Variants in MAPKAPK2 observed in about 807,000 individuals in gnomAD.
MAPKAPK2 encodes MAP kinase-activated protein kinase 2.
A neutral mutation model predicts 48.8 loss-of-function variants in MAPKAPK2; 9 were observed. The observed-to-expected ratio is 0.18, with a 90% CI of 0.11 to 0.32. The LOEUF is 0.32. Among genes scored for constraint, MAPKAPK2 ranks in the 10% least tolerant of loss-of-function variants. The pLI, the probability that MAPKAPK2 is intolerant of heterozygous loss-of-function variation, is 1.00. For missense variants in MAPKAPK2, 331 were observed against 498.3 expected (o/e 0.66, Z 3.20); for synonymous variants, 202 against 190.6 (o/e 1.06, Z -0.49).
At chr1:206,728,567 A>C in intron 1 of MAPKAPK2, 143 bp from the exon 2 acceptor site, 1 of 790,878 alleles carries the variant, frequency 1.3e-6, no homozygotes, top group Non-Finnish European at 1.9e-6. Context: ...GCCTCAGGAA[A>C]TGTGCCAAGG....
Position 206,731,803 on chromosome 1 carries a change from CA to C in MAPKAPK2, c.979-35del, listed in dbSNP as rs1383906263. The C allele has an allele frequency of 6.2e-7, 1 of 1,612,722 alleles. No homozygotes were observed. On this transcript the variant is annotated intron_variant, in intron 8 of 9. Coordinates refer to ENST00000367103, the MANE Select transcript of MAPKAPK2 (RefSeq NM_032960.4). The surrounding 1 kb of genome is among the most constrained non-coding windows in gnomAD (Gnocchi z 5.9). ...CAGAGTCTTAGCCAGGACCCTACCC[CA>C]GGCTTTCACTCGGACCCCTTTTCTC...
At chr1:206,719,710 G>T (rs1673454625) in intron 1 of MAPKAPK2, among the ~76,000 whole-genome samples, 1 of 152,174 alleles carries the variant, frequency 6.6e-6, no homozygotes, top group Non-Finnish European at 1.5e-5. Flanking sequence ...TGCTCTATCT[G>T]CCACCTCTTA....
At chr1:206,695,260 G>T (rs1558574127) in intron 1 of MAPKAPK2, among the ~76,000 whole-genome samples, 2 of 152,108 alleles carry the variant, frequency 1.3e-5, no homozygotes, top group African/African-American at 4.8e-5. Context: ...GAAACATGTG[G>T]CTAACTCTGA....
At chr1:206,713,139 A>G (rs550659517) in intron 1 of MAPKAPK2, among the ~76,000 whole-genome samples, 1 of 152,340 alleles carries the variant, frequency 6.6e-6, no homozygotes, top group South Asian at 2.1e-4. Flanking sequence ...CCAGCTTCCA[A>G]GAGGTACATG....
In MAPKAPK2 at chr1:206,704,278, A is replaced by G. The variant is rs1452031615; in HGVS notation, c.279+18770A>G. 6.6e-6 allele frequency among the ~76,000 whole-genome samples: 1 copy of G among 152,168 alleles called. No homozygotes were observed. Among genetic ancestry groups the G allele is most frequent in the Non-Finnish European group, 1.5e-5 (1 of 68,022 alleles). ...GTCTGAGTGTCTCTCACTCGTTGTT[A>G]CCTGTCCATTTGTTACCTGGCCCAC... On this transcript the variant is annotated intron_variant, in intron 1 of 9. Transcript: ENST00000367103. The surrounding 1 kb of genome is among the most constrained non-coding windows in gnomAD (Gnocchi z 4.3).
At chr1:206,690,309 G>C (rs1672418503) in intron 1 of MAPKAPK2, among the ~76,000 whole-genome samples, 1 of 152,210 alleles carries the variant, frequency 6.6e-6, no homozygotes, top group South Asian at 2.1e-4. Context: ...AGGGCCCTTG[G>C]CATCCACTGA....
At chr1:206,695,450 G>GT (rs797043593) in intron 1 of MAPKAPK2, among the ~76,000 whole-genome samples, 7,273 of 122,882 alleles carry the variant, frequency 0.059, 366 homozygotes, top group African/African-American at 0.14. Flanking sequence ...GCCCTGATCT[G>GT]TTTTTTTTTT....
Position 206,732,813 on chromosome 1 carries a change from CCT to C in MAPKAPK2, c.*99_*100del. ...GAGACAGAACTGTCCACATCTGCCT[CCT>C]CTCCTCCTCAGCTGCATGGAGCCTG... On this transcript the variant is annotated 3_prime_UTR_variant, in exon 10 of 10. Transcript: ENST00000367103. This position sits in a 1 kb window ranked among gnomAD's most constrained non-coding sequence, Gnocchi z 4.4. 7.2e-7 allele frequency: 1 copy of C among 1,384,302 alleles called. No homozygotes were observed. Among genetic ancestry groups the C allele is most frequent in the South Asian group, 1.3e-5 (1 of 75,328 alleles). 85.8% of individuals were successfully genotyped at this position (1,384,302 alleles called of 1,614,324 possible).
At chr1:206,716,154 A>G (rs1673323695) in intron 1 of MAPKAPK2, among the ~76,000 whole-genome samples, 1 of 151,636 alleles carries the variant, frequency 6.6e-6, no homozygotes, top group Non-Finnish European at 1.5e-5. Flanking sequence ...GCCAGAAGTA[A>G]GTTCAGGGTA....
chr1:206,704,741 A>G lies in MAPKAPK2; in HGVS notation c.279+19233A>G, dbSNP rs377595812. On this transcript the variant is annotated intron_variant, in intron 1 of 9. Coordinates refer to ENST00000367103, the MANE Select transcript of MAPKAPK2 (RefSeq NM_032960.4). The surrounding 1 kb of genome is among the most constrained non-coding windows in gnomAD (Gnocchi z 4.3). ...GAATAAGTGAAGATGAGTGCACCAC[A>G]AGTGTGTGTGTGCACTTCTTAATCT... is the stretch of plus-strand genomic sequence containing the variant. Among the ~76,000 whole-genome samples, 174 of 152,314 alleles carry G rather than the reference A, an allele frequency of 1.1e-3. 1 individual carries two copies. Among genetic ancestry groups the G allele is most frequent in the African/African-American group, 4.1e-3 (170 of 41,580 alleles).
intron 1 of MAPKAPK2, among the ~76,000 whole-genome samples, chr1:206,707,154 C>T (rs1672988456): frequency 6.6e-6 from 1 of 152,080 alleles, no homozygotes; most frequent in African/African-American, 2.4e-5. Flanking sequence ...ACGGGGTATC[C>T]TGTTGTCCTG....
At position 206,731,477 on chromosome 1, in the gene MAPKAPK2, C is replaced by G; in HGVS notation, c.893-163C>G. 1 of 1,094,000 alleles carries G rather than the reference C, an allele frequency of 9.1e-7. No homozygotes were observed. Among genetic ancestry groups the G allele is most frequent in the Non-Finnish European group, 1.3e-6 (1 of 744,820 alleles). The allele number at this position is 1,094,000 out of a possible 1,614,324, so 67.8% of individuals were successfully genotyped here. On this transcript the variant is annotated intron_variant, in intron 7 of 9. Coordinates refer to ENST00000367103, the MANE Select transcript of MAPKAPK2 (RefSeq NM_032960.4). The surrounding 1 kb of genome is among the most constrained non-coding windows in gnomAD (Gnocchi z 5.9). ...CCAAGGCTGTGGGGCTGTGCAGGGC[C>G]TCTCAAGTGGTACAGCCGTAATGGT...
chr1:206,686,073 G>T (rs1242106123), intron 1 of MAPKAPK2, among the ~76,000 whole-genome samples: 1 of 152,214 alleles, frequency 6.6e-6, no homozygotes, highest in Non-Finnish European at 1.5e-5. Context: ...CGGGCAGGAG[G>T]TGTGCGGCGG....
Position 206,732,759 on chromosome 1 carries a change from T to G in MAPKAPK2, c.*41T>G. 1 of 1,609,008 alleles carries G rather than the reference T, an allele frequency of 6.2e-7. No individual in the cohort carries two copies. The highest frequency in any genetic ancestry group is 1.1e-5 in the South Asian group (1 of 90,786). Reference sequence around the variant, plus strand: ...TGCCCACGGGAGGACAAGCAATAACTCTCTACAGGAATATATTTTTTAAAC... The same window carrying G: ...TGCCCACGGGAGGACAAGCAATAACGCTCTACAGGAATATATTTTTTAAAC... On this transcript the variant is annotated 3_prime_UTR_variant, in exon 10 of 10. Coordinates refer to ENST00000367103, the MANE Select transcript of MAPKAPK2 (RefSeq NM_032960.4). The surrounding 1 kb of genome is among the most constrained non-coding windows in gnomAD (Gnocchi z 4.4).
chr1:206,729,316 A>T (rs1320333486), intron 3 of MAPKAPK2, 80 bp from the exon 4 acceptor site: 2 of 1,248,344 alleles, frequency 1.6e-6, no homozygotes, highest in African/African-American at 3.0e-5. Context: ...CAGAGGTGGG[A>T]CCCGGTGCAC....
intron 1 of MAPKAPK2, among the ~76,000 whole-genome samples, chr1:206,718,849 A>G (rs909000056): frequency 2.0e-5 from 3 of 152,172 alleles, no homozygotes; most frequent in Admixed American, 1.3e-4. Flanking sequence ...AACATTTACA[A>G]TTTTGATAGA....
rs782164664 is a variant in MAPKAPK2 at position 206,731,766 on chromosome 1, T to A, written c.978+41T>A. On this transcript the variant is annotated intron_variant, in intron 8 of 9. Coordinates refer to ENST00000367103, the MANE Select transcript of MAPKAPK2 (RefSeq NM_032960.4). This position sits in a 1 kb window ranked among gnomAD's most constrained non-coding sequence, Gnocchi z 5.9. ...TGGGGAGCCTTGGGTCTCACGGGAC[T>A]ATTCCACAGGACAGAGTCTTAGCCA... 1 of 1,611,566 alleles carries A rather than the reference T, an allele frequency of 6.2e-7. No individual in the cohort carries two copies. Among genetic ancestry groups the A allele is most frequent in the South Asian group, 1.1e-5 (1 of 91,022 alleles).
rs1199014673 is a variant in MAPKAPK2 at position 206,733,960 on chromosome 1, A to G, written c.*1242A>G. On this transcript the variant is annotated 3_prime_UTR_variant, in exon 10 of 10. Transcript: ENST00000367103. ...CCCCCTTGCCCATCAGCCATTTGCC[A>G]TCACCCCAAACAACTCAGCTTCGGG... The G allele has an allele frequency of 6.5e-6, 1 of 152,794 alleles. No individual in the cohort carries two copies. The highest frequency in any genetic ancestry group is 1.5e-5 in the Non-Finnish European group (1 of 68,168). The allele number at this position is 152,794 out of a possible 1,614,324, so 9.5% of individuals were successfully genotyped here.
chr1:206,727,467 G>C (rs1458090254), intron 1 of MAPKAPK2, among the ~76,000 whole-genome samples: 3 of 152,154 alleles, frequency 2.0e-5, no homozygotes, highest in African/African-American at 4.8e-5. Flanking sequence ...CGAGGATCCA[G>C]GTGATTGCCA....
Sources: gnomAD v4.1 joint callset for allele counts (sites outside exome capture counted in the v4.1 genomes callset) on GRCh38, gnomAD v4.1.1 for gene constraint, Gnocchi (gnomAD v3.1) non-coding constraint, MANE v1.5 for transcripts, NCBI Gene and HGNC (gene_info 2026-07-23, HGNC 2026-07-21) for gene names.